The following GXYLT2 variants were observed in gnomAD, a reference collection of about 807,000 sequenced individuals.
GXYLT2 encodes glycosyltransferase 8 domain containing 4.
A neutral mutation model predicts 45.8 loss-of-function variants in GXYLT2; 53 were observed. That is an observed-to-expected ratio of 1.16 (90% CI 0.93 to 1.46). The LOEUF is 1.46. GXYLT2 is among the 40% of genes most tolerant of loss of function. The pLI is 0.00. For missense variants in GXYLT2, 551 were observed against 544.4 expected (o/e 1.01, Z -0.12); for synonymous variants, 219 against 214.2 (o/e 1.02, Z -0.19).
intron 1 of GXYLT2, among the ~76,000 whole-genome samples, chr3:72,902,710 GGT>G (rs1709430930): frequency 2.2e-5 from 3 of 134,468 alleles, no homozygotes; most frequent in Non-Finnish European, 3.4e-5. Flanking sequence ...AGAAAGGCCA[GGT>G]GCGGTGGCTC....
chr3:72,952,005 CT>C (rs34302153), intron 3 of GXYLT2, among the ~76,000 whole-genome samples: 76,003 of 130,878 alleles, frequency 0.58, 21,540 homozygotes, highest in South Asian at 0.7. Flanking sequence ...CCATGCCCAG[CT>C]TTTTTTTTTT....
intron 3 of GXYLT2, among the ~76,000 whole-genome samples, chr3:72,954,349 G>C (rs895154242): frequency 1.3e-5 from 2 of 150,028 alleles, no homozygotes; most frequent in Non-Finnish European, 2.9e-5. Flanking sequence ...CTCGTGATCC[G>C]CCTGCCTTGG....
At chr3:72,931,785 T>G (rs889780496) in intron 3 of GXYLT2, among the ~76,000 whole-genome samples, 2 of 151,794 alleles carry the variant, frequency 1.3e-5, no homozygotes, top group Admixed American at 6.6e-5. Flanking sequence ...AAGATTCAAC[T>G]GAAAATTAAT....
intron 3 of GXYLT2, 151 bp from the exon 4 acceptor site, chr3:72,954,947 A>C: frequency 1.4e-6 from 1 of 695,698 alleles, no homozygotes. Flanking sequence ...AAGGAATGGA[A>C]GCTAAGAGTG....
intron 3 of GXYLT2, among the ~76,000 whole-genome samples, chr3:72,949,016 T>G (rs968317423): frequency 1.3e-5 from 2 of 151,912 alleles, no homozygotes; most frequent in Non-Finnish European, 1.5e-5. Context: ...CTCAGACATT[T>G]TGGAGGTAGA....
At chr3:72,888,957 G>GT (rs992114041) in intron 1 of GXYLT2, among the ~76,000 whole-genome samples, 1 of 152,096 alleles carries the variant, frequency 6.6e-6, no homozygotes, top group East Asian at 1.9e-4. Context: ...TTAACCTCGA[G>GT]TACCCCCATG....
intron 3 of GXYLT2, chr3:72,929,126 C>T: frequency 1.3e-6 from 2 of 1,589,558 alleles, no homozygotes; most frequent in Non-Finnish European, 1.7e-6. Context: ...CAACCTGGAG[C>T]TCTACGCCTC....
chr3:72,955,219 C>A lies in GXYLT2; in HGVS notation c.722C>A (p.Ala241Asp). ...LFNSTQLAAMAPEHEIPKIGW... is the reference protein window; with the variant it reads ...LFNSTQLAAMDPEHEIPKIGW... ...AATTCCACCCAGCTTGCAGCCATGG[C>A]CCCTGAGCACGAAATCCCCAAGATT... The change falls in exon 4 of 7, where the codon GCC becomes GAC. Residue 241 changes from alanine (A) to aspartate (D), a missense_variant. Physicochemically the swap from Ala to Asp is moderately radical, Grantham distance 126. Transcript: ENST00000389617. 2 of 1,614,014 alleles carry A rather than the reference C, an allele frequency of 1.2e-6. No homozygotes were observed. Among genetic ancestry groups the A allele is most frequent in the Non-Finnish European group, 8.5e-7 (1 of 1,179,894 alleles).
chr3:72,956,058 CAG>C (rs1710637895), intron 4 of GXYLT2, among the ~76,000 whole-genome samples: 1 of 152,156 alleles, frequency 6.6e-6, no homozygotes, highest in Non-Finnish European at 1.5e-5. Context: ...AGCCTGGCGA[CAG>C]AGACTGTGAT....
intron 2 of GXYLT2, among the ~76,000 whole-genome samples, chr3:72,920,119 C>G (rs187803315): frequency 1.1e-3 from 173 of 151,856 alleles, no homozygotes; most frequent in Middle Eastern, 3.4e-3. Context: ...CTTGTTTTTA[C>G]TTTTTTTATT....
intron 1 of GXYLT2, among the ~76,000 whole-genome samples, chr3:72,893,172 T>A (rs1393202089): frequency 6.6e-6 from 1 of 152,164 alleles, no homozygotes; most frequent in Non-Finnish European, 1.5e-5. Context: ...ACACTAAGAA[T>A]AACTTTAAGT....
chr3:72,957,405 C>A, intron 5 of GXYLT2, 53 bp downstream of exon 5: 1 of 1,523,990 alleles, frequency 6.6e-7, no homozygotes, highest in Admixed American at 2.0e-5. Context: ...CAGCACACCC[C>A]ACGGAGCACA....
intron 2 of GXYLT2, among the ~76,000 whole-genome samples, chr3:72,913,250 G>A (rs952677664): frequency 6.6e-6 from 1 of 151,022 alleles, no homozygotes; most frequent in Non-Finnish European, 1.5e-5. Flanking sequence ...GTGTTAGCCA[G>A]GATGGTCTCG....
intron 1 of GXYLT2, among the ~76,000 whole-genome samples, chr3:72,890,679 C>T (rs1347263469): frequency 1.3e-5 from 2 of 152,136 alleles, no homozygotes; most frequent in Non-Finnish European, 2.9e-5. Flanking sequence ...AGAACAGTGG[C>T]GCAGCATCTT....
chr3:72,906,915 C>G (rs1466682195), intron 1 of GXYLT2, among the ~76,000 whole-genome samples: 1 of 152,146 alleles, frequency 6.6e-6, no homozygotes, highest in Non-Finnish European at 1.5e-5. Flanking sequence ...CAGCGGGGAG[C>G]CCTTGCATGA....
intron 3 of GXYLT2, among the ~76,000 whole-genome samples, chr3:72,938,343 A>G (rs1710229975): frequency 6.6e-6 from 1 of 152,228 alleles, no homozygotes. Flanking sequence ...GGATTTAAAG[A>G]TATAACTTAT....
At position 72,975,001 on chromosome 3, in the gene GXYLT2, C is replaced by G. The variant is rs576709988; in HGVS notation, c.1174C>G (p.Gln392Glu). 2.1e-4 allele frequency: 338 copies of G among 1,586,352 alleles called. 5 individuals carry two copies. The South Asian group carries it at 3.8e-3, about 18-fold the overall frequency. ...GTTTCCCTTTCAAGACAATCTCTTT[C>G]AATCCATGTATTACCCCCTTCAGCT... ...RDFPFQDNLF[Q>E]SMYYPLQLKF... Residue 392 changes from glutamine to glutamate, a missense_variant, in exon 7 of 7, where the codon CAA (glutamine) becomes GAA (glutamate). By Grantham distance (29) the Gln-to-Glu change is conservative (BLOSUM62 2). Coordinates refer to ENST00000389617, the MANE Select transcript of GXYLT2 (RefSeq NM_001080393.2).
chr3:72,927,293 A>T (rs1169704172), intron 3 of GXYLT2: 1 of 152,112 alleles, frequency 6.6e-6, no homozygotes, highest in Non-Finnish European at 1.5e-5. Flanking sequence ...CTGACTCCAT[A>T]TTTCCAAGAA....
intron 1 of GXYLT2, chr3:72,908,130 C>T (rs1709544592): frequency 2.5e-6 from 1 of 394,110 alleles, no homozygotes; most frequent in African/African-American, 2.0e-5. Context: ...GAAAAAGCCT[C>T]AGACACCTAT....
Sources: allele counts gnomAD v4.1 joint callset (sites outside exome capture counted in the v4.1 genomes callset), GRCh38; gene constraint gnomAD v4.1.1; transcripts MANE v1.5; gene names NCBI Gene and HGNC (gene_info 2026-07-23, HGNC 2026-07-21).